Variants in TMEM181 observed in about 807,000 individuals in gnomAD.
TMEM181 encodes G protein-coupled receptor 178.
Under a neutral mutation model 71.9 loss-of-function variants are expected in TMEM181, and 39 were observed. That is an observed-to-expected ratio of 0.54 (90% CI 0.42 to 0.71). The LOEUF (loss-of-function observed/expected upper bound fraction) is 0.71. Ranked by LOEUF, TMEM181 falls within the 30% of genes least tolerant of loss-of-function variation. TMEM181 has a pLI of 0.00. For missense variants in TMEM181, 595 were observed against 583.0 expected (o/e 1.02, Z -0.21); for synonymous variants, 245 against 228.8 (o/e 1.07, Z -0.64).
intron 1 of TMEM181, among the ~76,000 whole-genome samples, chr6:158,544,182 A>AGAGAGAGAGAGAGTGT (rs149735409): frequency 4.7e-5 from 6 of 127,562 alleles, no homozygotes; most frequent in Non-Finnish European, 8.3e-5. Context: ...AATTGGAGAG[A>AGAGAGAGAGAGAGTGT]GTGTGTGTGT....
intron 12 of TMEM181, 132 bp from the exon 13 acceptor site, chr6:158,625,571 C>A (rs1012677989): frequency 2.5e-6 from 2 of 802,800 alleles, no homozygotes; most frequent in African/African-American, 1.7e-5. Context: ...AGGCTGCTGG[C>A]GACTCCGGCT....
At chr6:158,597,660 G>C (rs1181543770) in intron 6 of TMEM181, among the ~76,000 whole-genome samples, 1 of 152,100 alleles carries the variant, frequency 6.6e-6, no homozygotes, top group Admixed American at 6.5e-5. Context: ...ACACCACCAT[G>C]CCTGGCTTGG....
chr6:158,605,131 A>AGGGGGTGTGTGT, intron 6 of TMEM181, 136 bp from the exon 7 acceptor site: 1 of 159,686 alleles, frequency 6.3e-6, no homozygotes, highest in Non-Finnish European at 1.2e-5. Context: ...AAAAAAAAAA[A>AGGGGGTGTGTGT]GTGTGTGTGT....
chr6:158,567,472 A>G (rs1403657749), intron 1 of TMEM181, among the ~76,000 whole-genome samples: 2 of 152,236 alleles, frequency 1.3e-5, no homozygotes, highest in African/African-American at 2.4e-5. Context: ...TGCAGACTGC[A>G]TCTGTTGTAA....
At chr6:158,624,407 G>A (rs1786150336) in intron 11 of TMEM181, among the ~76,000 whole-genome samples, 1 of 152,232 alleles carries the variant, frequency 6.6e-6, no homozygotes, top group South Asian at 2.1e-4. Flanking sequence ...GGGAGCTCTG[G>A]CGCTGAGAGG....
At chr6:158,573,594 C>A in intron 2 of TMEM181, 71 bp downstream of exon 2, 1 of 1,282,106 alleles carries the variant, frequency 7.8e-7, no homozygotes, top group Non-Finnish European at 1.1e-6. Flanking sequence ...TTTCGGTCAG[C>A]CCAGCTGTGC....
At position 158,632,577 on chromosome 6, in the gene TMEM181, C is replaced by T. The variant is rs976279495; in HGVS notation, c.*689C>T. The T allele has an allele frequency of 6.6e-5, 10 of 152,460 alleles. No individual in the cohort carries two copies. The highest frequency in any genetic ancestry group is 2.4e-4 in the African/African-American group (10 of 41,450). 9.4% of individuals were successfully genotyped at this position (152,460 alleles called of 1,614,324 possible). ...AATAAGGAAAGGCTAAGATAATTTACAGGTTACCAACTCATGTGGGGAAGG... is the reference window on the plus strand; with the variant it reads ...AATAAGGAAAGGCTAAGATAATTTATAGGTTACCAACTCATGTGGGGAAGG... On this transcript the variant is annotated 3_prime_UTR_variant, in exon 17 of 17. Coordinates refer to ENST00000684151, the MANE Select transcript of TMEM181 (RefSeq NM_001376852.1).
chr6:158,551,855 GCCTAATCATTT>G (rs1207307745), intron 1 of TMEM181, among the ~76,000 whole-genome samples: 1 of 152,162 alleles, frequency 6.6e-6, no homozygotes, highest in Non-Finnish European at 1.5e-5. Flanking sequence ...GAGCAAGTAA[GCCTAATCATTT>G]CCTATCACTA....
chr6:158,585,696 A>T (rs1318753678), intron 5 of TMEM181, among the ~76,000 whole-genome samples: 1 of 152,210 alleles, frequency 6.6e-6, no homozygotes, highest in East Asian at 1.9e-4. Flanking sequence ...ATATACTGCT[A>T]GCCACCCTGA....
intron 6 of TMEM181, among the ~76,000 whole-genome samples, chr6:158,597,175 C>A (rs1343771470): frequency 6.6e-6 from 1 of 152,162 alleles, no homozygotes; most frequent in South Asian, 2.1e-4. Flanking sequence ...AAGCTGATTT[C>A]TCTCTCCTTT....
chr6:158,620,724 T>A lies in TMEM181; in HGVS notation c.897-2826T>A, dbSNP rs1204591436. 6.6e-6 allele frequency among the ~76,000 whole-genome samples: 1 copy of A among 152,068 alleles called. No homozygotes were observed. The highest frequency in any genetic ancestry group is 1.5e-5 in the Non-Finnish European group (1 of 68,014). On this transcript the variant is annotated intron_variant, in intron 10 of 16. Transcript: ENST00000684151. The surrounding 1 kb of genome is among the most constrained non-coding windows in gnomAD (Gnocchi z 4.5). ...AAAGATGGGGTGCATGGCCAGAGAC[T>A]CTCAGGATCCAGGAGTTAACTCAGG...
At chr6:158,549,515 G>C (rs2128280626) in intron 1 of TMEM181, among the ~76,000 whole-genome samples, 1 of 152,294 alleles carries the variant, frequency 6.6e-6, no homozygotes, top group Admixed American at 6.5e-5. Context: ...ATGCAAACAT[G>C]GTTGTTTACA....
chr6:158,619,661 G>A (rs1378924292), intron 10 of TMEM181, among the ~76,000 whole-genome samples: 1 of 152,100 alleles, frequency 6.6e-6, no homozygotes, highest in Non-Finnish European at 1.5e-5. Context: ...ATGAGGTTAG[G>A]AGATTGAGAC....
intron 1 of TMEM181, among the ~76,000 whole-genome samples, chr6:158,562,606 T>G (rs1307078234): frequency 2.6e-5 from 4 of 152,128 alleles, no homozygotes; most frequent in Non-Finnish European, 5.9e-5. Flanking sequence ...ACAGACAAAT[T>G]AAGTATCCTG....
rs1582940282 is a variant in TMEM181, at chr6:158,560,232, C to T, written c.8C>T (p.Pro3Leu). 1.0e-6 allele frequency: 1 copy of T among 984,932 alleles called. No homozygotes were observed. 61.0% of individuals were successfully genotyped at this position (984,932 alleles called of 1,614,324 possible). Residue 3 changes from proline (P) to leucine (L), a missense_variant and splice_region_variant, in exon 1 of 17, where the codon CCG (proline) becomes CTG (leucine). Physicochemically the swap from Pro to Leu is moderately conservative, Grantham distance 98 (BLOSUM62 -3). Coordinates refer to ENST00000684151, the MANE Select transcript of TMEM181 (RefSeq NM_001376852.1). ...AGGGCTCTGGGCGCCGAGATGGAGC[C>T]GTGAGTCCCCGGCCGAGCGGGCGGG... is the stretch of plus-strand genomic sequence containing the variant. ME[P>L]LAPMRLYTLS...
In TMEM181 at chr6:158,620,175, G is replaced by A. The variant is rs1329764516; in HGVS notation, c.897-3375G>A. ...CAGCCCAGAGGGGAGGCGTGGGAAT[G>A]TGGGATGGTTTGGCACCATGTGGGC... is the stretch of plus-strand genomic sequence containing the variant. On this transcript the variant is annotated intron_variant, in intron 10 of 16. Transcript: ENST00000684151. This position sits in a 1 kb window ranked among gnomAD's most constrained non-coding sequence, Gnocchi z 4.5. Among the ~76,000 whole-genome samples the A allele has an allele frequency of 6.6e-6, 1 of 152,158 alleles. No individual in the cohort carries two copies. The highest frequency in any genetic ancestry group is 1.5e-5 in the Non-Finnish European group (1 of 68,028).
At chr6:158,551,338 A>G (rs1462395469) in intron 1 of TMEM181, among the ~76,000 whole-genome samples, 1 of 152,098 alleles carries the variant, frequency 6.6e-6, no homozygotes, top group African/African-American at 2.4e-5. Context: ...CAGTTTATTT[A>G]TTAGAGTTGT....
At chr6:158,542,921 G>C (rs1228022221) in intron 1 of TMEM181, among the ~76,000 whole-genome samples, 1 of 135,814 alleles carries the variant, frequency 7.4e-6, no homozygotes, top group East Asian at 2.4e-4. Flanking sequence ...AGTCACCCAG[G>C]CTGGAGTGCA....
intron 10 of TMEM181, among the ~76,000 whole-genome samples, chr6:158,612,458 GC>G (rs1171660123): frequency 6.6e-6 from 1 of 152,204 alleles, no homozygotes; most frequent in East Asian, 1.9e-4. Context: ...AAATAGCCAT[GC>G]TCCTGTCAGT....
Sources: gnomAD v4.1 joint callset for allele counts (sites outside exome capture counted in the v4.1 genomes callset) on GRCh38, gnomAD v4.1.1 for gene constraint, Gnocchi (gnomAD v3.1) non-coding constraint, MANE v1.5 for transcripts, NCBI Gene and HGNC (gene_info 2026-07-23, HGNC 2026-07-21) for gene names.